DLG2: variants seen among roughly 807,000 people sequenced by gnomAD.
DLG2 encodes the protein disks large homolog 2.
Under a neutral mutation model 132.5 loss-of-function variants are expected in DLG2, and 45 were observed. The ratio of observed to expected loss-of-function variants is 0.34; its 90% CI spans 0.27 to 0.44. DLG2 has a LOEUF of 0.44. Ranked by LOEUF, DLG2 falls within the 20% of genes least tolerant of loss-of-function variation. The pLI is 1.00. For missense variants in DLG2, 1,045 were observed against 1,196.9 expected (o/e 0.87, Z 1.87); for synonymous variants, 424 against 419.6 (o/e 1.01, Z -0.13).
intron 8 of DLG2, among the ~76,000 whole-genome samples, chr11:84,222,146 C>A (rs190598799): frequency 4.1e-4 from 63 of 152,220 alleles, no homozygotes; most frequent in Non-Finnish European, 6.3e-4. Flanking sequence ...GATTCTCCTG[C>A]CTCAGCCTCC....
intron 3 of DLG2, among the ~76,000 whole-genome samples, chr11:85,412,750 C>T (rs1331990422): frequency 5.1e-4 from 71 of 139,338 alleles, no homozygotes; most frequent in African/African-American, 1.8e-3. Flanking sequence ...CACACACACA[C>T]ACACACACAC....
intron 18 of DLG2, chr11:83,647,376 G>A (rs894336107): frequency 7.9e-5 from 12 of 152,282 alleles, no homozygotes; most frequent in African/African-American, 2.9e-4. Flanking sequence ...TGATGCCTCA[G>A]GTTCAATCTT....
At chr11:85,162,006 G>A (rs2078068464) in intron 4 of DLG2, among the ~76,000 whole-genome samples, 1 of 152,136 alleles carries the variant, frequency 6.6e-6, no homozygotes, top group African/African-American at 2.4e-5. Flanking sequence ...ACGTTCTGCT[G>A]GCCTAGAGGT....
At chr11:84,653,808 C>A (rs1329358209) in intron 6 of DLG2, among the ~76,000 whole-genome samples, 1 of 152,126 alleles carries the variant, frequency 6.6e-6, no homozygotes, top group Non-Finnish European at 1.5e-5. Flanking sequence ...CTCTTTCATG[C>A]AATAACAGGA....
chr11:85,586,011 C>T (rs565956786), intron 3 of DLG2, among the ~76,000 whole-genome samples: 89 of 152,294 alleles, frequency 5.8e-4, no homozygotes, highest in African/African-American at 1.9e-3. Flanking sequence ...GCCTCCACAC[C>T]CAACCTGTAT....
intron 7 of DLG2, among the ~76,000 whole-genome samples, chr11:84,410,476 T>A (rs1169850574): frequency 6.6e-6 from 1 of 152,082 alleles, no homozygotes; most frequent in African/African-American, 2.4e-5. Flanking sequence ...TTTAGACAGC[T>A]TCTTTGGTGG....
At chr11:84,896,651 C>G (rs1285403870) in intron 6 of DLG2, among the ~76,000 whole-genome samples, 1 of 151,788 alleles carries the variant, frequency 6.6e-6, no homozygotes, top group African/African-American at 2.4e-5. Flanking sequence ...CACTTATCCA[C>G]AGTTTTGTAT....
chr11:85,210,426 G>T (rs927555715), intron 4 of DLG2, among the ~76,000 whole-genome samples: 7 of 152,026 alleles, frequency 4.6e-5, no homozygotes, highest in Admixed American at 1.3e-4. Flanking sequence ...TCCATATGGG[G>T]TTTTTTCCCA....
intron 17 of DLG2, among the ~76,000 whole-genome samples, chr11:83,793,547 A>T (rs1012166367): frequency 1.3e-5 from 2 of 152,108 alleles, no homozygotes; most frequent in South Asian, 2.1e-4. Flanking sequence ...CATCCTCTGA[A>T]TTTTTTTTCA....
intron 6 of DLG2, among the ~76,000 whole-genome samples, chr11:84,725,138 C>G (rs748971653): frequency 6.6e-6 from 1 of 152,100 alleles, no homozygotes; most frequent in Non-Finnish European, 1.5e-5. Context: ...GAATTGAGAT[C>G]TGAAGCCAAG....
At chr11:85,294,497 C>T (rs1246527308) in intron 3 of DLG2, among the ~76,000 whole-genome samples, 1 of 152,116 alleles carries the variant, frequency 6.6e-6, no homozygotes, top group Non-Finnish European at 1.5e-5. Context: ...TGAAGTCAAA[C>T]AAAATGGCCC....
At chr11:83,472,900 G>C (rs1026101221) in intron 22 of DLG2, 123 bp from the exon 23 acceptor site, 4 of 784,102 alleles carry the variant, frequency 5.1e-6, no homozygotes, top group Non-Finnish European at 8.4e-6. Flanking sequence ...CTTTCTCCTT[G>C]AACCATTCAA....
At chr11:83,735,927 C>G (rs886502962) in intron 18 of DLG2, among the ~76,000 whole-genome samples, 2 of 152,178 alleles carry the variant, frequency 1.3e-5, no homozygotes, top group Non-Finnish European at 2.9e-5. Flanking sequence ...CTCTCTGCCA[C>G]CAAATCATAC....
At chr11:83,885,125 G>A (rs1189257483) in intron 15 of DLG2, among the ~76,000 whole-genome samples, 1 of 152,188 alleles carries the variant, frequency 6.6e-6, no homozygotes, top group Non-Finnish European at 1.5e-5. Flanking sequence ...GAGAGAAGAA[G>A]GCTTCAGAGC....
At chr11:85,437,087 G>C (rs1447091664) in intron 3 of DLG2, among the ~76,000 whole-genome samples, 1 of 152,154 alleles carries the variant, frequency 6.6e-6, no homozygotes, top group African/African-American at 2.4e-5. Context: ...ACTCATAAGT[G>C]GGAGTTGAAT....
At chr11:84,727,200 T>G (rs1230382414) in intron 6 of DLG2, among the ~76,000 whole-genome samples, 1 of 152,152 alleles carries the variant, frequency 6.6e-6, no homozygotes, top group African/African-American at 2.4e-5. Context: ...ATTGCCCAGG[T>G]TTTCTTCTAG....
intron 15 of DLG2, among the ~76,000 whole-genome samples, chr11:83,913,448 A>G (rs935707095): frequency 6.6e-6 from 1 of 152,192 alleles, no homozygotes. Context: ...TAATTAAAAC[A>G]GAGTCCTTGA....
At position 85,468,181 on chromosome 11, in the gene DLG2, A is replaced by G. The variant is rs531470039; in HGVS notation, c.40+130476T>C. On this transcript the variant is annotated intron_variant, in intron 3 of 27. Transcript: ENST00000376104. ...ATCCCCTTTATCATTTTTTTTTTGC[A>G]TCTATTTGATTCTTCTCTCCTTTCT... Among the ~76,000 whole-genome samples, 518 of 149,358 alleles carry G rather than the reference A, an allele frequency of 3.5e-3. 4 individuals carry two copies. Among genetic ancestry groups the G allele is most frequent in the Non-Finnish European group, 5.5e-3 (371 of 67,248 alleles).
rs59049566 is a variant in DLG2, at chr11:84,717,227, C to T, written c.358-182496G>A. Reference sequence around the variant, plus strand: ...TCAGGAAAGGAAATAAATATTCATCCTAATAATCTTATTTTCACACTTAGT... The same window carrying T: ...TCAGGAAAGGAAATAAATATTCATCTTAATAATCTTATTTTCACACTTAGT... On this transcript the variant is annotated intron_variant, in intron 6 of 27. Coordinates refer to ENST00000376104, the MANE Select transcript of DLG2 (RefSeq NM_001142699.3). Among the ~76,000 whole-genome samples, 1,000 of 152,066 alleles carry T rather than the reference C, an allele frequency of 6.6e-3. 16 individuals are homozygous for T. Among genetic ancestry groups the T allele is most frequent in the African/African-American group, 0.023 (967 of 41,518 alleles).
Sources: gnomAD v4.1 joint callset for allele counts (sites outside exome capture counted in the v4.1 genomes callset) on GRCh38, gnomAD v4.1.1 for gene constraint, MANE v1.5 for transcripts, NCBI Gene and HGNC (gene_info 2026-07-23, HGNC 2026-07-21) for gene names.